ATF2: variants seen among roughly 807,000 people sequenced by gnomAD.
The protein encoded by ATF2 is activating transcription factor 2, also known as cyclic AMP-dependent transcription factor ATF-2.
A neutral mutation model predicts 60.6 loss-of-function variants in ATF2; 24 were observed. The observed-to-expected ratio is 0.40, with a 90% CI of 0.29 to 0.56. The LOEUF (loss-of-function observed/expected upper bound fraction) is 0.56, where lower values mean the gene tolerates loss of function less well. ATF2 is among the 20% of genes least tolerant of loss of function. The pLI, the probability that ATF2 is intolerant of heterozygous loss-of-function variation, is 0.54. For synonymous variants in ATF2, 206 were observed against 215.4 expected, an observed-to-expected ratio of 0.96 and a Z score of 0.38; for missense variants, 433 against 607.7, an observed-to-expected ratio of 0.71 and a Z score of 3.02.
intron 2 of ATF2, chr2:175,147,908 G>A (rs895767452): frequency 2.0e-5 from 3 of 152,076 alleles, no homozygotes; most frequent in Non-Finnish European, 4.4e-5. Flanking sequence ...CCATGATCCT[G>A]ACATACCTGC....
intron 1 of ATF2, among the ~76,000 whole-genome samples, chr2:175,155,928 C>T (rs1574499741): frequency 6.6e-6 from 1 of 151,974 alleles, no homozygotes; most frequent in Admixed American, 6.5e-5. Context: ...TTAAAATGTA[C>T]AAGGGTAGAG....
Position 175,097,613 on chromosome 2 carries a change from A to G in ATF2, c.829-20T>C, listed in dbSNP as rs372126188. ...TAATCTCTGCAATGCAAACACCATT[A>G]AAAATTTTTTTTAAGTCCTTAAAGA... On this transcript the variant is annotated intron_variant, in intron 10 of 13. Coordinates refer to ENST00000264110, the MANE Select transcript of ATF2 (RefSeq NM_001880.4). 6.2e-7 allele frequency: 1 copy of G among 1,602,642 alleles called. No homozygotes were observed. The highest frequency in any genetic ancestry group is 1.3e-5 in the African/African-American group (1 of 74,556).
rs114417304 is a variant in ATF2, at chr2:175,165,955, C to T, written c.-143+2095G>A. 5.2e-3 allele frequency among the ~76,000 whole-genome samples: 786 copies of T among 152,240 alleles called. 4 individuals are homozygous for T. Among genetic ancestry groups the T allele is most frequent in the African/African-American group, 0.018 (739 of 41,542 alleles). On this transcript the variant is annotated intron_variant, in intron 1 of 13. Transcript: ENST00000264110. ...CTGGCATTACAGGCATGAGCCACCG[C>T]GCACGCCCAGCCTCTACTATTATCT...
chr2:175,115,347 G>A (rs1696480206), intron 7 of ATF2, among the ~76,000 whole-genome samples: 3 of 151,988 alleles, frequency 2.0e-5, no homozygotes, highest in African/African-American at 7.2e-5. Context: ...ACAAATAATT[G>A]TTAATTCCAG....
At position 175,102,001 on chromosome 2, in the gene ATF2, T is replaced by C. The variant is rs1695345150; in HGVS notation, c.829-4408A>G. On this transcript the variant is annotated intron_variant, in intron 10 of 13. Coordinates refer to ENST00000264110, the MANE Select transcript of ATF2 (RefSeq NM_001880.4). ...AATATCATTCATATAAATTTTACAATTAATGTAAGGATATCTACAATCCAG... is the reference window on the plus strand; with the variant it reads ...AATATCATTCATATAAATTTTACAACTAATGTAAGGATATCTACAATCCAG... Among the ~76,000 whole-genome samples the C allele has an allele frequency of 2.0e-5, 3 of 152,152 alleles. No individual in the cohort carries two copies. In the South Asian group the frequency reaches 6.2e-4, roughly 31 times the overall value.
At chr2:175,131,357 C>T (rs1242549534) in intron 3 of ATF2, among the ~76,000 whole-genome samples, 5 of 152,318 alleles carry the variant, frequency 3.3e-5, no homozygotes, top group South Asian at 4.1e-4. Flanking sequence ...ATCATCAACT[C>T]TTCTTACATC....
At chr2:175,088,966 G>A (rs1278394954) in intron 12 of ATF2, among the ~76,000 whole-genome samples, 2 of 152,134 alleles carry the variant, frequency 1.3e-5, no homozygotes, top group African/African-American at 4.8e-5. Context: ...CAGATCACTT[G>A]AGGTCGGGAG....
chr2:175,109,628 A>T (rs904280042), intron 10 of ATF2, among the ~76,000 whole-genome samples: 3 of 152,244 alleles, frequency 2.0e-5, no homozygotes, highest in African/African-American at 4.8e-5. Flanking sequence ...AATTTATAGA[A>T]AAAAGTCCAA....
intron 13 of ATF2, chr2:175,080,313 T>C (rs1693677404): frequency 6.2e-6 from 1 of 160,742 alleles, no homozygotes. Context: ...GAACGGAGGC[T>C]GGGAAAAAAG....
intron 4 of ATF2, among the ~76,000 whole-genome samples, chr2:175,124,076 C>A (rs1451056658): frequency 2.3e-4 from 3 of 12,786 alleles, no homozygotes; most frequent in African/African-American, 3.8e-4. Context: ...AATGTCTTCC[C>A]AGTCAAATTA....
At chr2:175,081,682 T>C (rs1217426337) in intron 12 of ATF2, among the ~76,000 whole-genome samples, 5 of 152,096 alleles carry the variant, frequency 3.3e-5, no homozygotes, top group Admixed American at 2.0e-4. Context: ...AATTAGAAAA[T>C]ATAGCAAACA....
intron 10 of ATF2, among the ~76,000 whole-genome samples, chr2:175,101,605 TGA>T (rs889268671): frequency 1.3e-5 from 2 of 152,178 alleles, no homozygotes; most frequent in Non-Finnish European, 2.9e-5. Context: ...TCAGAATTAA[TGA>T]AATACAGTAA....
chr2:175,100,619 TC>T (rs1290905164), intron 10 of ATF2, among the ~76,000 whole-genome samples: 1 of 152,228 alleles, frequency 6.6e-6, no homozygotes, highest in Non-Finnish European at 1.5e-5. Context: ...TGTTCTTAGC[TC>T]CCACAATTTA....
chr2:175,140,459 T>C (rs947606576), intron 2 of ATF2, among the ~76,000 whole-genome samples: 3 of 152,062 alleles, frequency 2.0e-5, no homozygotes, highest in Non-Finnish European at 4.4e-5. Flanking sequence ...AGAAAGCAGA[T>C]CACTGGTTGC....
rs994756573 is a variant in ATF2 at position 175,164,459 on chromosome 2, G to A, written c.-143+3591C>T. On this transcript the variant is annotated intron_variant, in intron 1 of 13. Coordinates refer to ENST00000264110, the MANE Select transcript of ATF2 (RefSeq NM_001880.4). ...TCAGACAGGAGAACCGCTTGAATCC[G>A]GGAGGTGGAGATTGCAGTGAGCCAA... 3.9e-5 allele frequency among the ~76,000 whole-genome samples: 6 copies of A among 152,072 alleles called. No individual in the cohort carries two copies. The East Asian group carries it at 9.6e-4, about 24-fold the overall frequency.
chr2:175,167,165 T>C (rs759638004), intron 1 of ATF2, among the ~76,000 whole-genome samples: 7 of 152,040 alleles, frequency 4.6e-5, no homozygotes, highest in African/African-American at 7.2e-5. Flanking sequence ...GGCACAAAAA[T>C]AGTTCCCAGC....
chr2:175,079,100 C>T (rs1693576175), intron 13 of ATF2, among the ~76,000 whole-genome samples: 1 of 151,992 alleles, frequency 6.6e-6, no homozygotes, highest in Non-Finnish European at 1.5e-5. Context: ...GTATATAAAC[C>T]TACGCATCTA....
Position 175,118,307 on chromosome 2 carries a change from A to G in ATF2, c.262T>C (p.Leu88=), listed in dbSNP as rs969807135. ...NCEEVGLFNE[L]ASPFENEFKK... ...AATTCATTCTCAAATGGACTCGCCAACTCATTAAACAAACCCACTTCTTCA... is the reference window on the plus strand; with the variant it reads ...AATTCATTCTCAAATGGACTCGCCAGCTCATTAAACAAACCCACTTCTTCA... Residue 88 remains leucine, a synonymous_variant, in exon 6 of 14, where the codon TTG becomes CTG. Coordinates refer to ENST00000264110, the MANE Select transcript of ATF2 (RefSeq NM_001880.4). 3 of 1,610,944 alleles carry G rather than the reference A, an allele frequency of 1.9e-6. No homozygotes were observed. In the African/African-American group the frequency reaches 4.0e-5, roughly 22 times the overall value.
At chr2:175,148,439 T>G (rs919653324) in intron 2 of ATF2, among the ~76,000 whole-genome samples, 1 of 152,162 alleles carries the variant, frequency 6.6e-6, no homozygotes, top group Non-Finnish European at 1.5e-5. Context: ...GAACCTCTGA[T>G]AGCTGAAGTG....
Sources: allele counts gnomAD v4.1 joint callset (sites outside exome capture counted in the v4.1 genomes callset), GRCh38; gene constraint gnomAD v4.1.1; transcripts MANE v1.5; gene names NCBI Gene and HGNC (gene_info 2026-07-23, HGNC 2026-07-21).